The following AACS variants were observed in gnomAD, a reference collection of about 807,000 sequenced individuals.
AACS encodes the protein acetoacetate-CoA ligase.
In AACS, 69 loss-of-function variants were observed where a neutral mutation model predicts 83.1. That is an observed-to-expected ratio of 0.83 (90% CI 0.68 to 1.01). The LOEUF is 1.01. Among genes scored for constraint, AACS ranks in the 50% least tolerant of loss-of-function variants. The probability of loss-of-function intolerance (pLI) is 0.00; values close to 1 mark genes in which losing one functional copy is unlikely to be tolerated. For synonymous variants in AACS, 333 were observed against 343.4 expected (o/e 0.97, Z 0.33); for missense variants, 866 against 882.2 (o/e 0.98, Z 0.23).
chr12:125,094,573 C>T lies in AACS; in HGVS notation c.570+3050C>T, dbSNP rs762612616. ...GCTGTCCAGGGAGTGCTGGGGCATC[C>T]GTCTTTACTCGATGACACTGGGGGA... On this transcript the variant is annotated intron_variant, in intron 5 of 17. Coordinates refer to ENST00000316519, the MANE Select transcript of AACS (RefSeq NM_023928.5). The surrounding 1 kb of genome is among the most constrained non-coding windows in gnomAD (Gnocchi z 4.1). Among the ~76,000 whole-genome samples, 26 of 152,246 alleles carry T rather than the reference C, an allele frequency of 1.7e-4. No individual in the cohort carries two copies. The highest frequency in any genetic ancestry group is 2.0e-4 in the Admixed American group (3 of 15,286).
Position 125,086,431 on chromosome 12 carries a change from G to A in AACS, c.460G>A (p.Asp154Asn). 6.2e-7 allele frequency: 1 copy of A among 1,614,224 alleles called. No individual in the cohort carries two copies. Among genetic ancestry groups the A allele is most frequent in the Non-Finnish European group, 8.5e-7 (1 of 1,180,036 alleles). Residue 154 changes from aspartate (D) to asparagine (N), a missense_variant, in exon 4 of 18, where the codon GAT becomes AAT. Asp to Asn is a conservative substitution (Grantham distance 23). Coordinates refer to ENST00000316519, the MANE Select transcript of AACS (RefSeq NM_023928.5). ...GAGGAAAATGGGTGTGAAGAAAGGA[G>A]ATCGGGTTGTTGGTAAGTATTTTGG... ...AMRKMGVKKG[D>N]RVVGYLPNSE...
chr12:125,137,006 C>G (rs537009520), intron 17 of AACS, 142 bp downstream of exon 17: 1 of 804,242 alleles, frequency 1.2e-6, no homozygotes, highest in East Asian at 2.7e-5. Context: ...CCTCTCCCTG[C>G]CATCCTTTTT....
chr12:125,099,314 G>A (rs1017332946), intron 5 of AACS, among the ~76,000 whole-genome samples: 10 of 152,208 alleles, frequency 6.6e-5, no homozygotes, highest in Non-Finnish European at 1.2e-4. Context: ...GGTGGTGCTC[G>A]CCTGCAGAGC....
intron 12 of AACS, among the ~76,000 whole-genome samples, 184 bp downstream of exon 12, chr12:125,125,208 C>T (rs1334430895): frequency 1.3e-5 from 2 of 152,206 alleles, no homozygotes; most frequent in Admixed American, 6.5e-5. Flanking sequence ...GGAACCCATA[C>T]GGAACCCTTG....
chr12:125,091,051 G>A (rs1292073071), intron 4 of AACS: 1 of 272,626 alleles, frequency 3.7e-6, no homozygotes, highest in African/African-American at 2.2e-5. Flanking sequence ...CACACTGAGT[G>A]GAGACTGCTG....
At chr12:125,111,355 T>C (rs995284621) in intron 8 of AACS, among the ~76,000 whole-genome samples, 5 of 152,054 alleles carry the variant, frequency 3.3e-5, no homozygotes, top group Non-Finnish European at 1.5e-5. Flanking sequence ...TTAGGAAAAA[T>C]GGAAATGTAT....
chr12:125,118,891 G>A (rs1044573951), intron 10 of AACS, 126 bp downstream of exon 10: 5 of 1,370,764 alleles, frequency 3.6e-6, no homozygotes, highest in Non-Finnish European at 4.8e-6. Flanking sequence ...CTCTGCCTTT[G>A]TGGACGCCCC....
chr12:125,077,522 A>AG (rs1193145540), intron 3 of AACS, among the ~76,000 whole-genome samples: 1 of 151,956 alleles, frequency 6.6e-6, no homozygotes, highest in East Asian at 1.9e-4. Context: ...AAAAAAAAAA[A>AG]AAAAATTGTA....
intron 3 of AACS, among the ~76,000 whole-genome samples, chr12:125,083,340 T>G (rs1956247422): frequency 1.3e-5 from 2 of 152,180 alleles, no homozygotes; most frequent in South Asian, 2.1e-4. Context: ...GTGACTCTTA[T>G]GACCACAGCT....
chr12:125,103,136 G>A lies in AACS; in HGVS notation c.767+55G>A, dbSNP rs766971374. ...CGTGTGGACCCACTGGAGCTCCTGC[G>A]GGGAAGTAGGCCTCTGGATCTTCTA... On this transcript the variant is annotated intron_variant, in intron 7 of 17. Coordinates refer to ENST00000316519, the MANE Select transcript of AACS (RefSeq NM_023928.5). The A allele has an allele frequency of 6.4e-4, 939 of 1,475,898 alleles. 3 individuals are homozygous for A. Among genetic ancestry groups the A allele is most frequent in the South Asian group, 2.1e-3 (175 of 83,204 alleles). 91.4% of individuals were successfully genotyped at this position (1,475,898 alleles called of 1,614,324 possible). A position where few individuals can be genotyped will look rare whatever the true frequency, so the allele number is the denominator to read the frequency against.
intron 3 of AACS, among the ~76,000 whole-genome samples, chr12:125,078,676 C>G (rs1292875339): frequency 2.6e-5 from 4 of 152,042 alleles, no homozygotes; most frequent in African/African-American, 9.7e-5. Flanking sequence ...AAAAAATTAG[C>G]CAGGCGTGGT....
At chr12:125,098,236 C>A (rs1956653363) in intron 5 of AACS, among the ~76,000 whole-genome samples, 1 of 151,942 alleles carries the variant, frequency 6.6e-6, no homozygotes, top group Non-Finnish European at 1.5e-5. Flanking sequence ...TTGAGAGCAG[C>A]CTGGGCAACA....
chr12:125,080,667 A>T (rs1165314269), intron 3 of AACS, among the ~76,000 whole-genome samples: 3 of 150,876 alleles, frequency 2.0e-5, no homozygotes, highest in African/African-American at 4.9e-5. Context: ...CCCCCTTTTT[A>T]AAATTATTTT....
chr12:125,134,710 G>A, intron 15 of AACS, 84 bp from the exon 16 acceptor site: 1 of 1,488,512 alleles, frequency 6.7e-7, no homozygotes, highest in Non-Finnish European at 9.3e-7. Flanking sequence ...GGGAAAGTGG[G>A]GGGTGACTGC....
intron 9 of AACS, among the ~76,000 whole-genome samples, chr12:125,114,762 G>C (rs1214817557): frequency 6.6e-6 from 1 of 150,884 alleles, no homozygotes; most frequent in Non-Finnish European, 1.5e-5. Context: ...TTCCCCAGGC[G>C]CCGGCCCGTG....
At chr12:125,075,997 G>A (rs555720858) in intron 2 of AACS, among the ~76,000 whole-genome samples, 8 of 152,290 alleles carry the variant, frequency 5.3e-5, no homozygotes, top group Middle Eastern at 3.4e-3. Flanking sequence ...ATTCAAAGTC[G>A]AATTTATTGT....
chr12:125,112,071 C>T (rs1956964588), intron 8 of AACS, among the ~76,000 whole-genome samples: 1 of 152,232 alleles, frequency 6.6e-6, no homozygotes, highest in South Asian at 2.1e-4. Context: ...AGGGATTTGC[C>T]ACAGGCTCCT....
Position 125,129,806 on chromosome 12 carries a change from C to A in AACS, c.1549+346C>A, listed in dbSNP as rs1040479461. Reference sequence around the variant, plus strand: ...GGGGCTGAAACAGGGTGATGCCTGCCTGTTCACGAGGAGTGGCATGTGGAA... The same window carrying A: ...GGGGCTGAAACAGGGTGATGCCTGCATGTTCACGAGGAGTGGCATGTGGAA... On this transcript the variant is annotated intron_variant, in intron 14 of 17. Transcript: ENST00000316519. The surrounding 1 kb of genome is among the most constrained non-coding windows in gnomAD (Gnocchi z 4.3). Among the ~76,000 whole-genome samples the A allele has an allele frequency of 1.8e-4, 28 of 152,182 alleles. No individual in the cohort carries two copies. The highest frequency in any genetic ancestry group is 6.8e-4 in the African/African-American group (28 of 41,444).
chr12:125,087,684 G>A (rs1489598491), intron 4 of AACS, among the ~76,000 whole-genome samples: 5 of 152,218 alleles, frequency 3.3e-5, no homozygotes, highest in Admixed American at 1.3e-4. Flanking sequence ...GCAAATTGCC[G>A]TTCAGCTTGT....
Sources: gnomAD v4.1 joint callset for allele counts (sites outside exome capture counted in the v4.1 genomes callset) on GRCh38, gnomAD v4.1.1 for gene constraint, Gnocchi (gnomAD v3.1) non-coding constraint, MANE v1.5 for transcripts, NCBI Gene and HGNC (gene_info 2026-07-23, HGNC 2026-07-21) for gene names.